The following STEAP2 variants were observed in gnomAD, a reference collection of about 807,000 sequenced individuals.
The protein encoded by STEAP2 is STEAP2 metalloreductase.
A neutral mutation model predicts 46.4 loss-of-function variants in STEAP2; 30 were observed. The ratio of observed to expected loss-of-function variants is 0.65; its 90% CI spans 0.48 to 0.88. The LOEUF is 0.88. STEAP2 is among the 40% of genes least tolerant of loss of function. The pLI, the probability that STEAP2 is intolerant of heterozygous loss-of-function variation, is 0.00. For synonymous variants in STEAP2, 180 were observed against 200.5 expected (o/e 0.90, Z 0.86); for missense variants, 513 against 579.3 (o/e 0.89, Z 1.18).
chr7:90,225,724 A>C (rs1450852274), intron 3 of STEAP2, 150 bp downstream of exon 3: 6 of 916,836 alleles, frequency 6.5e-6, no homozygotes, highest in Non-Finnish European at 9.4e-6. Flanking sequence ...TAATGTCCTG[A>C]CCTTGTAAGG....
At position 90,232,992 on chromosome 7, in the gene STEAP2, A is replaced by G. The variant is rs530568453; in HGVS notation, c.*368A>G. The G allele has an allele frequency of 3.1e-5, 30 of 962,956 alleles. No homozygotes were observed. In the South Asian group the frequency reaches 1.3e-3, roughly 42 times the overall value. The allele number at this position is 962,956 out of a possible 1,614,324, so 59.7% of individuals were successfully genotyped here. A position where few individuals can be genotyped will look rare whatever the true frequency, so the allele number is the denominator to read the frequency against. On this transcript the variant is annotated 3_prime_UTR_variant, in exon 6 of 6. Transcript: ENST00000394621. Reference sequence around the variant, plus strand: ...AATTTTAAGCTTTTAAAATAATTCAATGGATATACATTTTTTTCTGAAGAT... The same window carrying G: ...AATTTTAAGCTTTTAAAATAATTCAGTGGATATACATTTTTTTCTGAAGAT...
chr7:90,234,684 G>A lies in STEAP2; in HGVS notation c.*2060G>A, dbSNP rs1795894962. Reference sequence around the variant, plus strand: ...TCCTGCCTCAGCCTCCCGAGTAGCTGGGACTACAGGTGCCCGCCACCATGC... The same window carrying A: ...TCCTGCCTCAGCCTCCCGAGTAGCTAGGACTACAGGTGCCCGCCACCATGC... On this transcript the variant is annotated 3_prime_UTR_variant, in exon 6 of 6. Transcript: ENST00000394621. The A allele has an allele frequency of 8.4e-6, 4 of 474,648 alleles. No homozygotes were observed. Among genetic ancestry groups the A allele is most frequent in the Non-Finnish European group, 1.1e-5 (4 of 363,848 alleles). The allele number at this position is 474,648 out of a possible 1,614,324, so 29.4% of individuals were successfully genotyped here. A position where few individuals can be genotyped will look rare whatever the true frequency, so the allele number is the denominator to read the frequency against.
chr7:90,215,327 C>A (rs918258080), intron 1 of STEAP2: 2 of 152,166 alleles, frequency 1.3e-5, no homozygotes, highest in African/African-American at 2.4e-5. Context: ...ATGTGTGAAA[C>A]AAATTAGGTT....
chr7:90,212,985 C>T (rs1230054838), intron 1 of STEAP2, among the ~76,000 whole-genome samples: 2 of 151,836 alleles, frequency 1.3e-5, no homozygotes, highest in Admixed American at 6.6e-5. Flanking sequence ...TTCTTTAACC[C>T]TATAATTTTT....
At chr7:90,230,269 G>A (rs1562812566) in intron 5 of STEAP2, among the ~76,000 whole-genome samples, 1 of 151,662 alleles carries the variant, frequency 6.6e-6, no homozygotes, top group Non-Finnish European at 1.5e-5. Context: ...AGTATACTAT[G>A]TTAAGAACAA....
intron 3 of STEAP2, 50 bp downstream of exon 3, chr7:90,225,624 A>G (rs751066752): frequency 6.7e-6 from 10 of 1,501,736 alleles, no homozygotes; most frequent in Non-Finnish European, 7.1e-6. Flanking sequence ...TTGTAGTTAA[A>G]CAACTAAGCA....
At chr7:90,240,305 T>C (rs115609749), downstream of STEAP2, among the ~76,000 whole-genome samples, 2,947 of 151,926 alleles carry the variant, frequency 0.019, 94 homozygotes, top group East Asian at 0.1. The surrounding 1 kb of genome is among the most constrained non-coding windows in gnomAD (Gnocchi z 4.1). Context: ...TTAAGTATAA[T>C]AAATTCTGGT....
intron 2 of STEAP2, among the ~76,000 whole-genome samples, chr7:90,221,739 T>C (rs1257924265): frequency 2.0e-5 from 3 of 152,160 alleles, no homozygotes; most frequent in Admixed American, 1.3e-4. Flanking sequence ...TATAGTCATA[T>C]TGTCAAAAGT....
rs1795863028 is a variant in STEAP2, at chr7:90,233,979, C to T, written c.*1355C>T. On this transcript the variant is annotated 3_prime_UTR_variant, in exon 6 of 6. Transcript: ENST00000394621. ...CATGAGCCTGGAGACCCATGGCAGT[C>T]CATATGCCTCCCTATGCAGTGAAGG... 2.0e-6 allele frequency: 2 copies of T among 985,372 alleles called. No individual in the cohort carries two copies. The highest frequency in any genetic ancestry group is 1.2e-4 in the Admixed American group (2 of 16,272). The allele number at this position is 985,372 out of a possible 1,614,324, so 61.0% of individuals were successfully genotyped here. A position where few individuals can be genotyped will look rare whatever the true frequency, so the allele number is the denominator to read the frequency against.
At chr7:90,219,536 A>G (rs1021467121) in intron 2 of STEAP2, among the ~76,000 whole-genome samples, 2 of 152,156 alleles carry the variant, frequency 1.3e-5, no homozygotes, top group Non-Finnish European at 2.9e-5. Context: ...TTCTGCATCT[A>G]TTGAGATGAT....
chr7:90,228,724 G>A (rs147253365), intron 4 of STEAP2, among the ~76,000 whole-genome samples: 5 of 152,244 alleles, frequency 3.3e-5, no homozygotes, highest in African/African-American at 1.2e-4. Flanking sequence ...CTTTTTCACT[G>A]ATGCATACCC....
downstream of STEAP2, among the ~76,000 whole-genome samples, chr7:90,238,726 TGGCAG>T (rs1796023147): frequency 1.3e-5 from 2 of 152,184 alleles, no homozygotes; most frequent in African/African-American, 4.8e-5. Flanking sequence ...TGTTTGTTTA[TGGCAG>T]GCTTGGGGAA....
chr7:90,220,014 A>G (rs1795186410), intron 2 of STEAP2, among the ~76,000 whole-genome samples: 1 of 152,204 alleles, frequency 6.6e-6, no homozygotes, highest in South Asian at 2.1e-4. Context: ...GGCATAAGCC[A>G]TCATGTCTGG....
chr7:90,232,689 C>T lies in STEAP2; in HGVS notation c.*65C>T, dbSNP rs1450142230. On this transcript the variant is annotated 3_prime_UTR_variant, in exon 6 of 6. Transcript: ENST00000394621. ...CATGCCATTATTTTTATGACTTCTA[C>T]GTTCAGTTACAAGTATGCTGTCAAA... The T allele has an allele frequency of 1.0e-5, 15 of 1,484,088 alleles. No individual in the cohort carries two copies. The East Asian group carries it at 2.3e-4, about 23-fold the overall frequency. The allele number at this position is 1,484,088 out of a possible 1,614,324, so 91.9% of individuals were successfully genotyped here.
intron 2 of STEAP2, among the ~76,000 whole-genome samples, chr7:90,222,924 T>C (rs1457994739): frequency 2.6e-5 from 4 of 152,176 alleles, no homozygotes; most frequent in African/African-American, 9.7e-5. Flanking sequence ...GCTATGAGCA[T>C]AGAAGAAATT....
Position 90,232,539 on chromosome 7 carries a change from A to G in STEAP2, c.1388A>G (p.Lys463Arg). 1.2e-6 allele frequency: 2 copies of G among 1,613,852 alleles called. No homozygotes were observed. The highest frequency in any genetic ancestry group is 1.7e-6 in the Non-Finnish European group (2 of 1,179,778). ...AGCCGAAAGCTAAAACGAATTAAAA[A>G]AGGCTGGGAAAAGAGCCAATTTCTG... Reference protein sequence around the residue: ...CISRKLKRIKKGWEKSQFLEE... With the variant: ...CISRKLKRIKRGWEKSQFLEE... The change falls in exon 6 of 6, where the codon AAA becomes AGA. Residue 463 changes from lysine to arginine, a missense_variant. Physicochemically the swap from Lys to Arg is conservative, Grantham distance 26. Coordinates refer to ENST00000394621, the MANE Select transcript of STEAP2 (RefSeq NM_001244944.2).
rs1795952232 is a variant in STEAP2, at chr7:90,236,158, G to C, written c.*3534G>C. On this transcript the variant is annotated 3_prime_UTR_variant, in exon 6 of 6. Transcript: ENST00000394621. ...CTTCTAAATTACCACTTGCCATTAA[G>C]CTATTTCATAATAAATTCTGTACAG... is the stretch of plus-strand genomic sequence containing the variant. 1 of 698,466 alleles carries C rather than the reference G, an allele frequency of 1.4e-6. No homozygotes were observed. The highest frequency in any genetic ancestry group is 1.8e-6 in the Non-Finnish European group (1 of 569,856). The allele number at this position is 698,466 out of a possible 1,614,324, so 43.3% of individuals were successfully genotyped here.
chr7:90,217,619 T>A (rs774919976), intron 2 of STEAP2, among the ~76,000 whole-genome samples: 201 of 151,878 alleles, frequency 1.3e-3, no homozygotes, highest in Admixed American at 3.0e-3. Flanking sequence ...TAATATTTCA[T>A]TGTGTATACA....
At chr7:90,224,868 G>T (rs981036819) in intron 2 of STEAP2, among the ~76,000 whole-genome samples, 182 bp from the exon 3 acceptor site, 4 of 152,158 alleles carry the variant, frequency 2.6e-5, no homozygotes, top group African/African-American at 7.2e-5. Context: ...AAAGCCAAAA[G>T]ATTTATGAAG....
Sources: allele counts gnomAD v4.1 joint callset (sites outside exome capture counted in the v4.1 genomes callset), GRCh38; gene constraint gnomAD v4.1.1; non-coding constraint Gnocchi (gnomAD v3.1); transcripts MANE v1.5; gene names NCBI Gene and HGNC (gene_info 2026-07-23, HGNC 2026-07-21).